The following SSBP3 variants were observed in gnomAD, a reference collection of about 807,000 sequenced individuals.
The protein encoded by SSBP3 is single stranded DNA binding protein 3, also known as single-stranded DNA-binding protein 3.
SSBP3 carries 5 observed loss-of-function variants against 69.6 expected under a neutral mutation model. That is an observed-to-expected ratio of 0.07 (90% CI 0.04 to 0.15). The LOEUF (loss-of-function observed/expected upper bound fraction) is 0.15, where lower values mean the gene tolerates loss of function less well. Ranked by LOEUF, SSBP3 falls within the 10% of genes least tolerant of loss-of-function variation. The pLI, the probability that SSBP3 is intolerant of heterozygous loss-of-function variation, is 1.00. For synonymous variants in SSBP3, 196 were observed against 193.4 expected, an observed-to-expected ratio of 1.01 and a Z score of -0.11; for missense variants, 312 against 534.0, an observed-to-expected ratio of 0.58 and a Z score of 4.10.
At chr1:54,352,433 C>T (rs1489665907) in intron 4 of SSBP3, among the ~76,000 whole-genome samples, 4 of 152,178 alleles carry the variant, frequency 2.6e-5, no homozygotes, top group South Asian at 2.1e-4. Context: ...CCATAAAACA[C>T]CCCTGAGGAA....
intron 4 of SSBP3, among the ~76,000 whole-genome samples, chr1:54,343,174 G>A (rs1005518775): frequency 1.3e-5 from 2 of 152,136 alleles, no homozygotes; most frequent in East Asian, 1.9e-4. Context: ...ACCCTCTGCC[G>A]CTTTTCATAT....
intron 3 of SSBP3, among the ~76,000 whole-genome samples, chr1:54,403,665 G>T (rs369216145): frequency 6.6e-6 from 1 of 152,140 alleles, no homozygotes; most frequent in Non-Finnish European, 1.5e-5. Flanking sequence ...AGATAAACCC[G>T]CTAAGATCCC....
intron 5 of SSBP3, among the ~76,000 whole-genome samples, chr1:54,273,526 G>A (rs538162583): frequency 3.9e-5 from 6 of 152,334 alleles, no homozygotes; most frequent in African/African-American, 1.4e-4. Flanking sequence ...GCTGGCTGCC[G>A]GGCAGGGAAG....
chr1:54,398,213 T>C (rs1649033239), intron 4 of SSBP3, among the ~76,000 whole-genome samples: 1 of 152,160 alleles, frequency 6.6e-6, no homozygotes, highest in Non-Finnish European at 1.5e-5. Context: ...GAGTGAGATT[T>C]TGTAACAAAA....
intron 9 of SSBP3, among the ~76,000 whole-genome samples, chr1:54,245,981 G>A (rs559514928): frequency 6.6e-6 from 1 of 152,320 alleles, no homozygotes; most frequent in African/African-American, 2.4e-5. Context: ...AGGTAGAGAG[G>A]AAGAATGACC....
At chr1:54,335,983 G>A (rs1238737810) in intron 4 of SSBP3, 1 of 152,284 alleles carries the variant, frequency 6.6e-6, no homozygotes, top group Non-Finnish European at 1.5e-5. Context: ...TGGAGCCAGA[G>A]AGATGGGCGC....
intron 4 of SSBP3, among the ~76,000 whole-genome samples, chr1:54,300,977 G>A (rs952750977): frequency 1.9e-4 from 29 of 152,166 alleles, no homozygotes; most frequent in African/African-American, 6.8e-4. Context: ...CCCCTGGTGT[G>A]GCATTTAAGA....
intron 4 of SSBP3, among the ~76,000 whole-genome samples, chr1:54,302,177 CAGG>C (rs1645814470): frequency 6.6e-6 from 1 of 152,250 alleles, no homozygotes; most frequent in Admixed American, 6.5e-5. Context: ...AGCCTGTAAG[CAGG>C]AGGACAGGAA....
intron 5 of SSBP3, among the ~76,000 whole-genome samples, chr1:54,267,268 G>GT (rs1645118291): frequency 6.6e-6 from 1 of 152,156 alleles, no homozygotes; most frequent in Non-Finnish European, 1.5e-5. Context: ...CCATACAACA[G>GT]GGCACTCTTT....
intron 15 of SSBP3, 74 bp from the exon 16 acceptor site, chr1:54,228,551 C>A: frequency 6.3e-7 from 1 of 1,594,422 alleles, no homozygotes; most frequent in South Asian, 1.1e-5. Context: ...GTCCTGGGCT[C>A]CTCGGGCCTC....
upstream of SSBP3, among the ~76,000 whole-genome samples, chr1:54,410,683 A>G (rs543183788): frequency 2.1e-3 from 316 of 152,342 alleles, no homozygotes; most frequent in African/African-American, 7.2e-3. Flanking sequence ...ACCTGGCTTC[A>G]CTGCCTTGCT....
At chr1:54,310,287 C>T (rs547970856) in intron 4 of SSBP3, among the ~76,000 whole-genome samples, 5 of 152,166 alleles carry the variant, frequency 3.3e-5, no homozygotes, top group African/African-American at 9.7e-5. Context: ...CCCCAGGGGC[C>T]GCAGGCTCCG....
At chr1:54,369,255 G>A (rs180820577) in intron 4 of SSBP3, among the ~76,000 whole-genome samples, 2 of 144,268 alleles carry the variant, frequency 1.4e-5, no homozygotes, top group South Asian at 2.3e-4. Context: ...TGGGAAAGGC[G>A]AGGGTTTGAG....
chr1:54,316,823 C>G (rs1646123744), intron 4 of SSBP3, among the ~76,000 whole-genome samples: 1 of 152,058 alleles, frequency 6.6e-6, no homozygotes, highest in Admixed American at 6.5e-5. Flanking sequence ...AGTTCCAGAG[C>G]TGGGGAAGTC....
intron 4 of SSBP3, among the ~76,000 whole-genome samples, chr1:54,291,732 G>A (rs1645612375): frequency 1.3e-5 from 2 of 152,204 alleles, no homozygotes; most frequent in Admixed American, 6.5e-5. Flanking sequence ...AAAGAATGAT[G>A]TAGGTCACAA....
intron 4 of SSBP3, among the ~76,000 whole-genome samples, chr1:54,376,800 G>A (rs913989269): frequency 6.6e-6 from 1 of 152,154 alleles, no homozygotes; most frequent in African/African-American, 2.4e-5. Context: ...CCGACAACCT[G>A]GGCACCCTTG....
chr1:54,254,021 CTCT>C (rs1644877198), intron 7 of SSBP3, among the ~76,000 whole-genome samples: 1 of 152,240 alleles, frequency 6.6e-6, no homozygotes, highest in African/African-American at 2.4e-5. Context: ...CAGTCTGGGC[CTCT>C]TCTATCAGGG....
chr1:54,400,727 C>CT (rs1649235404), intron 4 of SSBP3, among the ~76,000 whole-genome samples: 1 of 152,364 alleles, frequency 6.6e-6, no homozygotes, highest in East Asian at 1.9e-4. Flanking sequence ...ACCTGAGTCT[C>CT]TAACTCCTCA....
intron 4 of SSBP3, among the ~76,000 whole-genome samples, chr1:54,381,264 T>C (rs1647614316): frequency 6.6e-6 from 1 of 150,786 alleles, no homozygotes; most frequent in Non-Finnish European, 1.5e-5. Flanking sequence ...GCGCCTGCAG[T>C]CCCAGCTACT....
Sources: gnomAD v4.1 joint callset for allele counts (sites outside exome capture counted in the v4.1 genomes callset) on GRCh38, gnomAD v4.1.1 for gene constraint, MANE v1.5 for transcripts, NCBI Gene and HGNC (gene_info 2026-07-23, HGNC 2026-07-21) for gene names.